Variants in DCDC1 observed in about 807,000 individuals in gnomAD.
DCDC1 encodes the protein doublecortin domain-containing protein 1.
DCDC1 carries 200 observed loss-of-function variants against 178.3 expected under a neutral mutation model. The observed-to-expected ratio is 1.12, with a 90% CI of 1.00 to 1.26. The LOEUF is 1.26. Ranked by LOEUF, DCDC1 falls within the 50% of genes most tolerant of loss-of-function variation. DCDC1 has a pLI of 0.00. For synonymous variants in DCDC1, 690 were observed against 604.8 expected (o/e 1.14, Z -2.07); for missense variants, 1,983 against 1,749.2 (o/e 1.13, Z -2.38).
At position 31,094,149 on chromosome 11, in the gene DCDC1, G is replaced by A; in HGVS notation, c.2019C>T (p.Ser673=). 1 of 766,094 alleles carries A rather than the reference G, an allele frequency of 1.3e-6. No individual in the cohort carries two copies. Among genetic ancestry groups the A allele is most frequent in the South Asian group, 1.3e-5 (1 of 74,610 alleles). The allele number at this position is 766,094 out of a possible 1,614,324, so 47.5% of individuals were successfully genotyped here. A position where few individuals can be genotyped will look rare whatever the true frequency, so the allele number is the denominator to read the frequency against. ...TGCCTGAGAAACTCCACTTTCCAAT[G>A]GAAACAGAGGCATGAAGGACAATAT... ...DPNIVLHASV[S]IGKWSFSGSE... Residue 673 remains serine (S), a synonymous_variant, in exon 16 of 39, where the codon TCC becomes TCT. Transcript: ENST00000684477.
chr11:30,908,544 A>C (rs757416243), intron 29 of DCDC1, among the ~76,000 whole-genome samples: 56 of 152,296 alleles, frequency 3.7e-4, no homozygotes, highest in Non-Finnish European at 6.6e-4. Context: ...TGAGTATGTC[A>C]GAAAATGTCC....
Position 31,312,252 on chromosome 11 carries a change from T to C in DCDC1, c.165-4344A>G, listed in dbSNP as rs530879479. Among the ~76,000 whole-genome samples, 20 of 152,300 alleles carry C rather than the reference T, an allele frequency of 1.3e-4. No homozygotes were observed. The South Asian group carries it at 3.3e-3, about 25-fold the overall frequency. ...ACAATACTAATAGCTAATGCCTACA[T>C]AGCATTTATGTCAGACACTGTTCTA... is the stretch of plus-strand genomic sequence containing the variant. On this transcript the variant is annotated intron_variant, in intron 3 of 38. Transcript: ENST00000684477.
intron 17 of DCDC1, among the ~76,000 whole-genome samples, chr11:31,082,854 A>G (rs1018514474): frequency 6.6e-6 from 1 of 152,192 alleles, no homozygotes; most frequent in Non-Finnish European, 1.5e-5. Flanking sequence ...TACCCGGGCC[A>G]AAAGTAGAAT....
At chr11:30,922,384 C>T in intron 24 of DCDC1, 119 bp downstream of exon 24, 6 of 1,202,936 alleles carry the variant, frequency 5.0e-6, no homozygotes, top group Non-Finnish European at 6.6e-6. Flanking sequence ...AAGAGTTAAA[C>T]AGCAAGATGC....
At chr11:31,253,751 T>G (rs1452855380) in intron 8 of DCDC1, among the ~76,000 whole-genome samples, 1 of 152,214 alleles carries the variant, frequency 6.6e-6, no homozygotes, top group African/African-American at 2.4e-5. Flanking sequence ...CTGCTAAATT[T>G]TGGGATAATT....
chr11:30,886,544 T>C (rs1439474265), intron 36 of DCDC1, among the ~76,000 whole-genome samples: 1 of 152,174 alleles, frequency 6.6e-6, no homozygotes, highest in Non-Finnish European at 1.5e-5. Flanking sequence ...AGCCATCTCC[T>C]TGTTGTGTCC....
intron 1 of DCDC1, among the ~76,000 whole-genome samples, chr11:31,344,986 T>C (rs527485198): frequency 3.1e-4 from 47 of 152,302 alleles, no homozygotes; most frequent in Middle Eastern, 3.4e-3. Flanking sequence ...CCCCAACCTA[T>C]ATTATCAACA....
At chr11:30,999,087 G>A (rs1951427124) in intron 20 of DCDC1, among the ~76,000 whole-genome samples, 1 of 152,144 alleles carries the variant, frequency 6.6e-6, no homozygotes, top group African/African-American at 2.4e-5. Context: ...CCACTATTCA[G>A]AAGGGTCAAG....
intron 37 of DCDC1, among the ~76,000 whole-genome samples, chr11:30,880,386 A>T (rs1226370766): frequency 6.6e-6 from 1 of 152,202 alleles, no homozygotes; most frequent in Non-Finnish European, 1.5e-5. Context: ...TTCTGGGCTA[A>T]ATGTAAAGAT....
intron 9 of DCDC1, among the ~76,000 whole-genome samples, chr11:31,211,141 A>G (rs1261555351): frequency 2.0e-5 from 3 of 152,222 alleles, no homozygotes; most frequent in African/African-American, 4.8e-5. Flanking sequence ...TCATGAGCAT[A>G]TTCAAGACTC....
At chr11:30,887,829 G>A (rs1315954890) in intron 36 of DCDC1, among the ~76,000 whole-genome samples, 1 of 151,888 alleles carries the variant, frequency 6.6e-6, no homozygotes, top group Non-Finnish European at 1.5e-5. Flanking sequence ...GACCAACATG[G>A]TGAAACCTCA....
At chr11:31,186,239 T>C (rs992151973) in intron 9 of DCDC1, among the ~76,000 whole-genome samples, 5 of 152,158 alleles carry the variant, frequency 3.3e-5, no homozygotes, top group Non-Finnish European at 7.4e-5. Context: ...AACACTCACT[T>C]AGCCATACTC....
chr11:31,045,079 T>A (rs1017926467), intron 20 of DCDC1, among the ~76,000 whole-genome samples: 6 of 152,160 alleles, frequency 3.9e-5, no homozygotes, highest in African/African-American at 9.7e-5. Context: ...GGCATAATAA[T>A]ATAAAATCTT....
chr11:31,359,268 G>A (rs112584831), intron 1 of DCDC1, among the ~76,000 whole-genome samples: 234 of 146,708 alleles, frequency 1.6e-3, no homozygotes, highest in Middle Eastern at 3.6e-3. Context: ...AAAATGATGA[G>A]TTCACGTCCT....
intron 17 of DCDC1, among the ~76,000 whole-genome samples, chr11:31,082,898 C>A (rs1320197822): frequency 1.3e-5 from 2 of 152,146 alleles, no homozygotes; most frequent in African/African-American, 4.8e-5. Context: ...ATTTCCAGTC[C>A]ATAATTCATA....
At chr11:31,095,923 C>G (rs1358077741) in intron 15 of DCDC1, among the ~76,000 whole-genome samples, 1 of 152,096 alleles carries the variant, frequency 6.6e-6, no homozygotes, top group African/African-American at 2.4e-5. Context: ...ATATTTAAAA[C>G]CCAATAAATG....
At chr11:30,999,713 T>C (rs970400565) in intron 20 of DCDC1, among the ~76,000 whole-genome samples, 11 of 151,978 alleles carry the variant, frequency 7.2e-5, no homozygotes, top group Non-Finnish European at 1.3e-4. Flanking sequence ...ATCACTTCCA[T>C]CTTAAAAAGG....
intron 20 of DCDC1, among the ~76,000 whole-genome samples, chr11:30,971,724 C>T (rs758883991): frequency 5.3e-5 from 8 of 151,062 alleles, no homozygotes; most frequent in Non-Finnish European, 8.8e-5. Flanking sequence ...ATTCTCCTGC[C>T]TCAGCTTCCC....
At chr11:30,944,831 G>C (rs372865784) in intron 21 of DCDC1, among the ~76,000 whole-genome samples, 2 of 152,078 alleles carry the variant, frequency 1.3e-5, no homozygotes, top group East Asian at 3.9e-4. Flanking sequence ...TTTTGTTGGG[G>C]TGCAGTAATT....
Sources: allele counts gnomAD v4.1 joint callset (sites outside exome capture counted in the v4.1 genomes callset), GRCh38; gene constraint gnomAD v4.1.1; transcripts MANE v1.5; gene names NCBI Gene and HGNC (gene_info 2026-07-23, HGNC 2026-07-21).